The following GLI2 variants were observed in gnomAD, a reference collection of about 807,000 sequenced individuals.
The protein encoded by GLI2 is GLI family zinc finger 2.
A neutral mutation model predicts 78.9 loss-of-function variants in GLI2; 22 were observed. That is an observed-to-expected ratio of 0.28 (90% CI 0.20 to 0.40). The LOEUF is 0.40. GLI2 is among the 10% of genes least tolerant of loss of function. GLI2 has a pLI of 1.00. For missense variants in GLI2, 2,097 were observed against 2,213.2 expected (o/e 0.95, Z 1.05); for synonymous variants, 974 against 963.7 (o/e 1.01, Z -0.20).
chr2:120,753,665 G>A (rs537740873), intron 1 of GLI2, among the ~76,000 whole-genome samples: 1 of 152,044 alleles, frequency 6.6e-6, no homozygotes, highest in East Asian at 1.9e-4. Flanking sequence ...TTGGAAGGCC[G>A]AGGCGGGCGG....
intron 2 of GLI2, among the ~76,000 whole-genome samples, chr2:120,814,581 T>C (rs569051513): frequency 3.3e-5 from 5 of 152,166 alleles, no homozygotes; most frequent in African/African-American, 1.2e-4. Context: ...CCAGGCCGCA[T>C]AGCGGGAGGT....
chr2:120,805,482 G>A (rs1465891298), intron 2 of GLI2, among the ~76,000 whole-genome samples: 1 of 152,264 alleles, frequency 6.6e-6, no homozygotes, highest in African/African-American at 2.4e-5. Flanking sequence ...CACTGTGAAT[G>A]TTCAGCTGAT....
intron 1 of GLI2, among the ~76,000 whole-genome samples, chr2:120,764,392 A>G (rs1238637957): frequency 6.6e-6 from 1 of 152,206 alleles, no homozygotes; most frequent in Non-Finnish European, 1.5e-5. Flanking sequence ...AAATTTGCTA[A>G]GCTAGGTACA....
intron 1 of GLI2, among the ~76,000 whole-genome samples, chr2:120,770,366 A>C (rs917890632): frequency 1.1e-4 from 17 of 152,276 alleles, no homozygotes; most frequent in African/African-American, 3.8e-4. Context: ...GCCCAGCTTC[A>C]GGACCCATAG....
chr2:120,828,861 C>CAAAAAAAAAA lies in GLI2; in HGVS notation c.148+31400_148+31409dup, dbSNP rs3053863. Among the ~76,000 whole-genome samples, 706 of 125,920 alleles carry CAAAAAAAAAA rather than the reference C, an allele frequency of 5.6e-3. 8 individuals are homozygous for CAAAAAAAAAA. Among genetic ancestry groups the CAAAAAAAAAA allele is most frequent in the Non-Finnish European group, 1.0e-2 (615 of 61,700 alleles). 82.6% of individuals were successfully genotyped at this position (125,920 alleles called of 152,430 possible). A position where few individuals can be genotyped will look rare whatever the true frequency, so the allele number is the denominator to read the frequency against. ...CTGCTGAGGCCGTGACTTCCAACTCCAAAAAAAAAAAAAAAAGATCATCCA... is the reference window on the plus strand; with the variant it reads ...CTGCTGAGGCCGTGACTTCCAACTCCAAAAAAAAAAAAAAAAAAAAAAAAAAGATCATCCA... On this transcript the variant is annotated intron_variant, in intron 2 of 13. Coordinates refer to ENST00000361492, the MANE Select transcript of GLI2 (RefSeq NM_001374353.1).
intron 4 of GLI2, 194 bp downstream of exon 4, chr2:120,951,639 G>A: frequency 3.6e-6 from 2 of 561,190 alleles, no homozygotes; most frequent in Non-Finnish European, 6.3e-6. Flanking sequence ...CCTTTGGTAA[G>A]CACTCTTTTG....
intron 2 of GLI2, among the ~76,000 whole-genome samples, chr2:120,904,645 C>T (rs1435707852): frequency 6.6e-6 from 1 of 152,190 alleles, no homozygotes; most frequent in Non-Finnish European, 1.5e-5. Context: ...CAGCTGTTCT[C>T]AACGCCCCCT....
intron 2 of GLI2, among the ~76,000 whole-genome samples, chr2:120,863,670 T>G (rs958195723): frequency 6.6e-6 from 1 of 152,210 alleles, no homozygotes; most frequent in Admixed American, 6.5e-5. Context: ...CATTATTTTT[T>G]ATGGGAAAAT....
intron 1 of GLI2, among the ~76,000 whole-genome samples, chr2:120,773,933 C>T (rs1192909826): frequency 4.0e-5 from 5 of 124,322 alleles, no homozygotes; most frequent in Middle Eastern, 4.2e-3. Flanking sequence ...TTCCTTCCTT[C>T]CCTCCCTCCC....
chr2:120,979,794 C>T (rs2105055174), intron 10 of GLI2, among the ~76,000 whole-genome samples: 1 of 152,224 alleles, frequency 6.6e-6, no homozygotes, highest in Non-Finnish European at 1.5e-5. Context: ...TCCCACAGCC[C>T]CTCCTAATTC....
chr2:120,954,274 G>A (rs1475052154), intron 4 of GLI2, among the ~76,000 whole-genome samples: 1 of 152,260 alleles, frequency 6.6e-6, no homozygotes, highest in Admixed American at 6.5e-5. Context: ...GGATCTCCAC[G>A]GAAGGTTTTG....
At chr2:120,755,315 A>T (rs1193568661) in intron 1 of GLI2, among the ~76,000 whole-genome samples, 1 of 152,186 alleles carries the variant, frequency 6.6e-6, no homozygotes, top group East Asian at 1.9e-4. Context: ...ATAGTGATAT[A>T]TTATTGTGGT....
Position 120,931,497 on chromosome 2 carries a change from A to G in GLI2, c.254+4031A>G, listed in dbSNP as rs561542397. Among the ~76,000 whole-genome samples, 19 of 152,334 alleles carry G rather than the reference A, an allele frequency of 1.2e-4. No homozygotes were observed. The South Asian group carries it at 3.9e-3, about 32-fold the overall frequency. ...TAGAAGGAAACACTTAACAAATGCC[A>G]GGGATTAGGGTGTGGATGTTCTTGG... On this transcript the variant is annotated intron_variant, in intron 3 of 13. Coordinates refer to ENST00000361492, the MANE Select transcript of GLI2 (RefSeq NM_001374353.1).
At chr2:120,839,030 T>A (rs934558106) in intron 2 of GLI2, among the ~76,000 whole-genome samples, 1 of 152,244 alleles carries the variant, frequency 6.6e-6, no homozygotes, top group Non-Finnish European at 1.5e-5. Context: ...AGGGCCTTCT[T>A]GCTGTGTCAT....
intron 3 of GLI2, among the ~76,000 whole-genome samples, chr2:120,937,714 G>T (rs887794618): frequency 1.3e-5 from 2 of 152,216 alleles, no homozygotes; most frequent in African/African-American, 4.8e-5. Context: ...ACATACTCAT[G>T]AAGGCTTGGT....
At chr2:120,970,666 T>G in intron 7 of GLI2, 60 bp downstream of exon 7, 2 of 1,355,186 alleles carry the variant, frequency 1.5e-6, no homozygotes, top group Non-Finnish European at 1.1e-6. Context: ...ATGAGGGTTG[T>G]TCACTGCCAG....
rs774322148 is a variant in GLI2, at chr2:120,989,236, C to T, written c.3271C>T (p.Arg1091Cys). The T allele has an allele frequency of 4.3e-6, 7 of 1,613,030 alleles. No individual in the cohort carries two copies. Among genetic ancestry groups the T allele is most frequent in the South Asian group, 1.1e-5 (1 of 91,096 alleles). ...ACCCAGCCCGGGGCTGCACGGCCAG[C>T]GCAGGATGGTGGCTGCGGACTCCAA... ...RLPSPGLHGQ[R>C]RMVAADSNVG... is the part of the protein sequence containing the mutation. Residue 1091 changes from arginine (R) to cysteine (C), a missense_variant, in exon 14 of 14, where the codon CGC becomes TGC. By Grantham distance (180) the Arg-to-Cys change is radical. Around this residue, in one of 5 missense-constraint regions of GLI2, gnomAD observed 1,290 missense variants for 1,261.7 expected, o/e 1.02. Transcript: ENST00000361492.
intron 1 of GLI2, among the ~76,000 whole-genome samples, chr2:120,769,904 G>T (rs761449185): frequency 2.8e-4 from 43 of 152,230 alleles, no homozygotes; most frequent in Non-Finnish European, 4.9e-4. Flanking sequence ...ATGTGCATGT[G>T]TGGGCACAGC....
intron 2 of GLI2, among the ~76,000 whole-genome samples, chr2:120,820,313 C>G (rs1488933394): frequency 6.6e-6 from 1 of 152,206 alleles, no homozygotes; most frequent in African/African-American, 2.4e-5. Context: ...CTGTCGCCCT[C>G]GTATTTGCTC....
Sources: gnomAD v4.1 joint callset for allele counts (sites outside exome capture counted in the v4.1 genomes callset) on GRCh38, gnomAD v4.1.1 for gene constraint, gnomAD v4.1.1 regional missense constraint, MANE v1.5 for transcripts, NCBI Gene and HGNC (gene_info 2026-07-23, HGNC 2026-07-21) for gene names.